PLCH1: variants seen among roughly 807,000 people sequenced by gnomAD.
PLCH1 encodes the protein 1-phosphatidylinositol 4,5-bisphosphate phosphodiesterase eta-1.
Under a neutral mutation model 126.7 loss-of-function variants are expected in PLCH1, and 60 were observed. That is an observed-to-expected ratio of 0.47 (90% CI 0.38 to 0.59). The LOEUF (loss-of-function observed/expected upper bound fraction) is 0.59. Among genes scored for constraint, PLCH1 ranks in the 20% least tolerant of loss-of-function variants. PLCH1 has a pLI of 0.00. For missense variants in PLCH1, 1,723 were observed against 2,040.0 expected (o/e 0.84, Z 2.99); for synonymous variants, 719 against 734.9 (o/e 0.98, Z 0.35).
At chr3:155,710,561 G>A (rs930544370) in intron 1 of PLCH1, among the ~76,000 whole-genome samples, 2 of 152,050 alleles carry the variant, frequency 1.3e-5, no homozygotes, top group Non-Finnish European at 2.9e-5. Flanking sequence ...GGCTGGGTGC[G>A]GTGGCCCATG....
chr3:155,612,137 T>G (rs1735181540), intron 2 of PLCH1, among the ~76,000 whole-genome samples: 1 of 151,840 alleles, frequency 6.6e-6, no homozygotes, highest in Non-Finnish European at 1.5e-5. Flanking sequence ...GCCAATGTGG[T>G]GAAACTTCGT....
intron 10 of PLCH1, among the ~76,000 whole-genome samples, chr3:155,529,300 C>T (rs1414620667): frequency 6.6e-6 from 1 of 152,234 alleles, no homozygotes. Context: ...ATGCAAACAA[C>T]TCCGCGATTC....
At position 155,506,345 on chromosome 3, in the gene PLCH1, C is replaced by CTTT. The variant is rs57746252; in HGVS notation, c.1633-1722_1633-1720dup. Reference sequence around the variant, plus strand: ...ACATTTTCTATCCCATTCTCACTCTCTTTTTTTTTTTTTTTTTTTATTATA... The same window carrying CTTT: ...ACATTTTCTATCCCATTCTCACTCTCTTTTTTTTTTTTTTTTTTTTTTATTATA... On this transcript the variant is annotated intron_variant, in intron 12 of 22. Transcript: ENST00000460012. Among the ~76,000 whole-genome samples, 565 of 130,646 alleles carry CTTT rather than the reference C, an allele frequency of 4.3e-3. 3 individuals carry two copies. The highest frequency in any genetic ancestry group is 0.016 in the African/African-American group (537 of 34,090). 85.7% of individuals were successfully genotyped at this position (130,646 alleles called of 152,430 possible).
At chr3:155,721,059 T>C (rs1211102925) in intron 1 of PLCH1, among the ~76,000 whole-genome samples, 1 of 152,236 alleles carries the variant, frequency 6.6e-6, no homozygotes, top group East Asian at 1.9e-4. Flanking sequence ...TTCTCTATTC[T>C]GCTCCATTGG....
In PLCH1 at chr3:155,625,935, T is replaced by A. The variant is rs199807405; in HGVS notation, c.80-29557A>T. 5.9e-5 allele frequency among the ~76,000 whole-genome samples: 9 copies of A among 152,350 alleles called. No homozygotes were observed. The East Asian group carries it at 1.7e-3, about 29-fold the overall frequency. On this transcript the variant is annotated intron_variant, in intron 2 of 22. Coordinates refer to ENST00000460012, the MANE Select transcript of PLCH1 (RefSeq NM_014996.4). The stretch of plus-strand genomic sequence containing the variant: ...CTATAGATACATGAACATGTATGCT[T>A]ACTGTGGCACTTTTCACAATAGCAA...
intron 6 of PLCH1, among the ~76,000 whole-genome samples, chr3:155,570,189 TTTAA>T (rs1477141249): frequency 1.3e-5 from 2 of 152,180 alleles, no homozygotes; most frequent in African/African-American, 2.4e-5. Context: ...CCTGATCTCA[TTTAA>T]TTAATCTCCC....
intron 2 of PLCH1, among the ~76,000 whole-genome samples, chr3:155,611,298 G>A (rs991682754): frequency 2.6e-5 from 4 of 152,074 alleles, no homozygotes; most frequent in African/African-American, 4.8e-5. Flanking sequence ...CTGAGGCAGG[G>A]AGAATTGCTT....
intron 2 of PLCH1, among the ~76,000 whole-genome samples, chr3:155,678,829 C>T (rs555940783): frequency 6.6e-6 from 1 of 152,290 alleles, no homozygotes; most frequent in East Asian, 1.9e-4. Context: ...AGACCCTCAT[C>T]AACTTTCTCC....
rs781166130 is a variant in PLCH1, at chr3:155,554,163, A to G, written c.1103T>C (p.Val368Ala). 1.2e-6 allele frequency: 2 copies of G among 1,613,674 alleles called. No individual in the cohort carries two copies. The highest frequency in any genetic ancestry group is 1.1e-5 in the South Asian group (1 of 91,038). ...DCWDGPDGEP[V>A]VHHGYTLTSK... The stretch of plus-strand genomic sequence containing the variant: ...AGTGAGAGTGTAACCATGATGTACT[A>G]CTGGCTCTCCATCTGGGCCATCCCA... The change falls in exon 9 of 23, where the codon GTA becomes GCA. Residue 368 changes from valine to alanine, a missense_variant. Val to Ala is a moderately conservative substitution (Grantham distance 64). Transcript: ENST00000460012.
chr3:155,506,503 T>G, intron 12 of PLCH1, among the ~76,000 whole-genome samples: 1 of 51,296 alleles, frequency 1.9e-5, no homozygotes, highest in Non-Finnish European at 3.6e-5. Context: ...CCCTCCCCCC[T>G]CCCCCCACCC....
intron 10 of PLCH1, among the ~76,000 whole-genome samples, chr3:155,539,651 A>C (rs1307081908): frequency 6.6e-6 from 1 of 152,186 alleles, no homozygotes; most frequent in African/African-American, 2.4e-5. Flanking sequence ...TGCAAAAAAT[A>C]AAACAAAATA....
chr3:155,550,102 G>A (rs961043031), intron 9 of PLCH1, 144 bp from the exon 10 acceptor site: 1 of 557,256 alleles, frequency 1.8e-6, no homozygotes, highest in Non-Finnish European at 3.1e-6. Context: ...CTTCTAAAAT[G>A]AGAAAGATTA....
rs770338939 is a variant in PLCH1, at chr3:155,568,288, T to A, written c.808A>T (p.Ile270Leu). 1 of 1,552,720 alleles carries A rather than the reference T, an allele frequency of 6.4e-7. No homozygotes were observed. ...TCTTCTGAAACTTCAAACTTCTTTA[T>A]GATGTCAAGACAATAGTCCGTTGTC... Reference protein sequence around the residue: ...NVTTDYCLDIIKKFEVSEENK... With the variant: ...NVTTDYCLDILKKFEVSEENK... Residue 270 changes from isoleucine to leucine, a missense_variant, in exon 7 of 23, where the codon ATA becomes TTA. Around this residue, in one of 2 missense-constraint regions of PLCH1, gnomAD observed 776 missense variants for 1,062.9 expected, o/e 0.73. Coordinates refer to ENST00000460012, the MANE Select transcript of PLCH1 (RefSeq NM_014996.4).
Position 155,481,200 on chromosome 3 carries a change from T to C in PLCH1, c.4826A>G (p.Asn1609Ser). The change falls in exon 23 of 23, where the codon AAC becomes AGC. Residue 1609 changes from asparagine to serine, a missense_variant. Asn to Ser is a conservative substitution (Grantham distance 46). Around this residue, in one of 2 missense-constraint regions of PLCH1, gnomAD observed 947 missense variants for 977.1 expected, o/e 0.97. Transcript: ENST00000460012. The surrounding 1 kb of genome is among the most constrained non-coding windows in gnomAD (Gnocchi z 4.2). ...TGCAGGGGTGGGTGCTGAGGGTTTG[T>C]TTCTAAGAACCACTCCTGCCCCATT... ...PSNGAGVVLR[N>S]KPSAPTPAVN... 6.2e-7 allele frequency: 1 copy of C among 1,614,208 alleles called. No individual in the cohort carries two copies. The highest frequency in any genetic ancestry group is 1.3e-5 in the African/African-American group (1 of 75,054).
chr3:155,504,711 C>T (rs1467122733), intron 12 of PLCH1, 85 bp from the exon 13 acceptor site: 2 of 844,952 alleles, frequency 2.4e-6, no homozygotes, highest in South Asian at 1.5e-5. Context: ...CAAGGGGGCC[C>T]TCTTTTCTCT....
At chr3:155,680,041 A>G (rs113118268) in intron 2 of PLCH1, among the ~76,000 whole-genome samples, 8 of 152,162 alleles carry the variant, frequency 5.3e-5, no homozygotes, top group African/African-American at 1.9e-4. Flanking sequence ...AGAAGCTGTT[A>G]GTGTCTCTGG....
intron 4 of PLCH1, among the ~76,000 whole-genome samples, chr3:155,592,662 C>T (rs907975747): frequency 6.6e-6 from 1 of 152,182 alleles, no homozygotes; most frequent in Non-Finnish European, 1.5e-5. Context: ...GATGACATCA[C>T]TGAACCAGTG....
chr3:155,474,204 T>C (rs1229891867), intron 21 of PLCH1, among the ~76,000 whole-genome samples: 1 of 150,506 alleles, frequency 6.6e-6, no homozygotes, highest in East Asian at 2.0e-4. Context: ...ATCCAGAATC[T>C]ACAATGAACT....
chr3:155,693,715 G>C (rs764986436), intron 2 of PLCH1, among the ~76,000 whole-genome samples: 2 of 151,956 alleles, frequency 1.3e-5, no homozygotes, highest in Non-Finnish European at 2.9e-5. Context: ...GGATCACCTG[G>C]GGTCATGAGT....
Sources: allele counts gnomAD v4.1 joint callset (sites outside exome capture counted in the v4.1 genomes callset), GRCh38; gene constraint gnomAD v4.1.1; regional missense constraint gnomAD v4.1.1; non-coding constraint Gnocchi (gnomAD v3.1); transcripts MANE v1.5; gene names NCBI Gene and HGNC (gene_info 2026-07-23, HGNC 2026-07-21).